SWT1: variants seen among roughly 807,000 people sequenced by gnomAD.
The protein encoded by SWT1 is transcriptional protein SWT1.
A neutral mutation model predicts 107.3 loss-of-function variants in SWT1; 33 were observed. The observed-to-expected ratio is 0.31, with a 90% CI of 0.23 to 0.41. The LOEUF (loss-of-function observed/expected upper bound fraction) is 0.41. Among genes scored for constraint, SWT1 ranks in the 10% least tolerant of loss-of-function variants. The pLI, the probability that SWT1 is intolerant of heterozygous loss-of-function variation, is 1.00. For missense variants in SWT1, 898 were observed against 1,028.9 expected, an observed-to-expected ratio of 0.87 and a Z score of 1.74; for synonymous variants, 345 against 348.3, an observed-to-expected ratio of 0.99 and a Z score of 0.11.
intron 13 of SWT1, 41 bp downstream of exon 13, chr1:185,206,804 A>G: frequency 7.2e-7 from 1 of 1,390,670 alleles, no homozygotes. Flanking sequence ...TGTTGTATTA[A>G]GTCAGACTAG....
intron 11 of SWT1, among the ~76,000 whole-genome samples, chr1:185,203,526 C>T (rs1199706205): frequency 2.0e-5 from 3 of 151,098 alleles, no homozygotes; most frequent in Non-Finnish European, 4.4e-5. Context: ...GAGGCTGAGG[C>T]AGGAGAATTG....
chr1:185,166,705 G>T (rs946275790), intron 3 of SWT1, 53 bp downstream of exon 3: 8 of 1,171,606 alleles, frequency 6.8e-6, no homozygotes, highest in African/African-American at 1.6e-5. Context: ...AGTTTTAATC[G>T]ACAGTGTTTG....
chr1:185,216,414 ATG>A (rs577835565), intron 14 of SWT1, among the ~76,000 whole-genome samples: 11 of 152,166 alleles, frequency 7.2e-5, no homozygotes, highest in Non-Finnish European at 1.2e-4. Flanking sequence ...AGTGAATAAA[ATG>A]TGGTGAACAG....
chr1:185,183,411 C>A (rs1047610214), intron 7 of SWT1, among the ~76,000 whole-genome samples: 3 of 152,032 alleles, frequency 2.0e-5, no homozygotes, highest in African/African-American at 7.2e-5. Flanking sequence ...CTGCCTCAGC[C>A]TCCTGAGTAG....
rs747339694 is a variant in SWT1 at position 185,276,589 on chromosome 1, C to T, written c.2509-15C>T. On this transcript the variant is annotated splice_polypyrimidine_tract_variant and intron_variant, in intron 17 of 18. Transcript: ENST00000367500. ...TAATATATATTTTTAATAACTATAT[C>T]TTGGTTCCTTTCAGGTAAATAAAAA... 5 of 1,492,102 alleles carry T rather than the reference C, an allele frequency of 3.4e-6. No individual in the cohort carries two copies. Among genetic ancestry groups the T allele is most frequent in the Non-Finnish European group, 4.6e-6 (5 of 1,077,762 alleles). The allele number at this position is 1,492,102 out of a possible 1,614,324, so 92.4% of individuals were successfully genotyped here. A position where few individuals can be genotyped will look rare whatever the true frequency, so the allele number is the denominator to read the frequency against.
chr1:185,278,696 C>T (rs1363333061), intron 18 of SWT1, among the ~76,000 whole-genome samples: 1 of 152,128 alleles, frequency 6.6e-6, no homozygotes. Context: ...TAAATGTCGC[C>T]ACTGCATTGT....
At position 185,214,269 on chromosome 1, in the gene SWT1, G is replaced by A. The variant is rs191282684; in HGVS notation, c.1973-238G>A. ...CTTTACTTTTACTTTGAAGTTGACC[G>A]TGCTGACAGAACTCCTGAAATCTGA... is the stretch of plus-strand genomic sequence containing the variant. On this transcript the variant is annotated intron_variant, in intron 13 of 18. Coordinates refer to ENST00000367500, the MANE Select transcript of SWT1 (RefSeq NM_017673.7). Among the ~76,000 whole-genome samples the A allele has an allele frequency of 2.1e-3, 321 of 152,108 alleles. 3 individuals are homozygous for A. The highest frequency in any genetic ancestry group is 7.5e-3 in the African/African-American group (313 of 41,496).
At chr1:185,260,337 T>C (rs1442452279) in intron 16 of SWT1, among the ~76,000 whole-genome samples, 8 of 152,152 alleles carry the variant, frequency 5.3e-5, no homozygotes, top group Non-Finnish European at 7.4e-5. Flanking sequence ...CTTTTACTGG[T>C]CAATGGCTGT....
chr1:185,166,607 T>C lies in SWT1; in HGVS notation c.120T>C (p.Thr40=). 1 of 1,607,180 alleles carries C rather than the reference T, an allele frequency of 6.2e-7. No homozygotes were observed. Among genetic ancestry groups the C allele is most frequent in the South Asian group, 1.1e-5 (1 of 90,050 alleles). The change falls in exon 3 of 19, where the codon ACT becomes ACC. Residue 40 remains threonine (T), a synonymous_variant. Transcript: ENST00000367500. ...AGAGAAAAACCCCAGCAAGTTCTAC[T>C]AGTTCATCTTCTATAAGATCAGTTT... is the stretch of plus-strand genomic sequence containing the variant. The part of the protein sequence containing the change: ...KKERKTPASS[T]SSSSIRSVSS...
At chr1:185,268,426 A>G (rs1299952823) in intron 16 of SWT1, among the ~76,000 whole-genome samples, 1 of 152,102 alleles carries the variant, frequency 6.6e-6, no homozygotes, top group African/African-American at 2.4e-5. Flanking sequence ...AGAATGATAT[A>G]TTTTTCTTCC....
intron 16 of SWT1, among the ~76,000 whole-genome samples, chr1:185,257,740 C>T (rs1662707514): frequency 1.3e-5 from 2 of 152,268 alleles, no homozygotes; most frequent in South Asian, 4.1e-4. Flanking sequence ...TCACCGCCTT[C>T]TGCGTCGCTC....
At chr1:185,206,274 A>G (rs1658329607) in intron 12 of SWT1, among the ~76,000 whole-genome samples, 1 of 152,112 alleles carries the variant, frequency 6.6e-6, no homozygotes, top group Non-Finnish European at 1.5e-5. Context: ...ACTGATTTTC[A>G]CCCAGTTACA....
Position 185,225,420 on chromosome 1 carries a change from C to T in SWT1, c.2309+3384C>T, listed in dbSNP as rs868497689. Among the ~76,000 whole-genome samples, 11 of 152,154 alleles carry T rather than the reference C, an allele frequency of 7.2e-5. No homozygotes were observed. The Middle Eastern group carries it at 0.02, about 282-fold the overall frequency. On this transcript the variant is annotated intron_variant, in intron 15 of 18. Coordinates refer to ENST00000367500, the MANE Select transcript of SWT1 (RefSeq NM_017673.7). ...TAGTTTTGAAATTGGTAATGTTGGC[C>T]TTGTATAATGAGTTTGCAAGTATTC... is the stretch of plus-strand genomic sequence containing the variant.
chr1:185,160,919 T>C lies in SWT1; in HGVS notation c.78T>C (p.Gly26=), dbSNP rs750032435. ...CCACCACCTCATCACCCAATTTTGGTGAAAAAGTAAGAATTTTGATTTACT... is the reference window on the plus strand; with the variant it reads ...CCACCACCTCATCACCCAATTTTGGCGAAAAAGTAAGAATTTTGATTTACT... ...KDTTTSSPNF[G]EKDKKERKTP... Residue 26 remains glycine, a synonymous_variant, in exon 2 of 19, where the codon GGT becomes GGC. Coordinates refer to ENST00000367500, the MANE Select transcript of SWT1 (RefSeq NM_017673.7). The C allele has an allele frequency of 6.2e-7, 1 of 1,610,748 alleles. No homozygotes were observed. The highest frequency in any genetic ancestry group is 8.5e-7 in the Non-Finnish European group (1 of 1,178,432).
intron 15 of SWT1, among the ~76,000 whole-genome samples, chr1:185,229,130 C>A (rs980218351): frequency 2.6e-5 from 4 of 152,028 alleles, no homozygotes. Flanking sequence ...TGAGAGCAGG[C>A]TGTGAAGTGA....
chr1:185,157,777 T>A (rs1349368239), intron 1 of SWT1, among the ~76,000 whole-genome samples: 1 of 152,236 alleles, frequency 6.6e-6, no homozygotes, highest in African/African-American at 2.4e-5. Context: ...TCTATTTTGC[T>A]TTGTTTTCAG....
At chr1:185,211,648 C>T (rs962208511) in intron 13 of SWT1, among the ~76,000 whole-genome samples, 15 of 152,282 alleles carry the variant, frequency 9.9e-5, no homozygotes, top group African/African-American at 2.9e-4. Flanking sequence ...GTCAGTGTGA[C>T]GATTCCTCAG....
chr1:185,236,868 GA>G (rs535534337), intron 16 of SWT1, among the ~76,000 whole-genome samples: 7 of 151,986 alleles, frequency 4.6e-5, no homozygotes, highest in African/African-American at 1.4e-4. Flanking sequence ...AGATTTACAA[GA>G]AAAAAACAAC....
At chr1:185,161,304 G>A (rs1654125081) in intron 2 of SWT1, among the ~76,000 whole-genome samples, 1 of 152,116 alleles carries the variant, frequency 6.6e-6, no homozygotes, top group African/African-American at 2.4e-5. Flanking sequence ...ACGTTGGCTA[G>A]GATTGCATTC....
Sources: gnomAD v4.1 joint callset for allele counts (sites outside exome capture counted in the v4.1 genomes callset) on GRCh38, gnomAD v4.1.1 for gene constraint, MANE v1.5 for transcripts, NCBI Gene and HGNC (gene_info 2026-07-23, HGNC 2026-07-21) for gene names.